KIAA1217: variants seen among roughly 807,000 people sequenced by gnomAD.
The protein encoded by KIAA1217 is sickle tail protein homolog.
A neutral mutation model predicts 163.9 loss-of-function variants in KIAA1217; 88 were observed. That is an observed-to-expected ratio of 0.54 (90% CI 0.45 to 0.64). KIAA1217 has a LOEUF of 0.64. Ranked by LOEUF, KIAA1217 falls within the 30% of genes least tolerant of loss-of-function variation. The pLI is 0.00. For missense variants in KIAA1217, 2,372 were observed against 2,475.0 expected (o/e 0.96, Z 0.88); for synonymous variants, 903 against 923.1 (o/e 0.98, Z 0.39).
intron 3 of KIAA1217, among the ~76,000 whole-genome samples, chr10:24,395,600 AT>A (rs1323621549): frequency 1.1e-4 from 17 of 152,292 alleles, no homozygotes; most frequent in African/African-American, 4.1e-4. Context: ...TGATTCAGTA[AT>A]TGGCCTTTCT....
At chr10:23,790,519 A>ATG in intron 1 of KIAA1217, among the ~76,000 whole-genome samples, 9 of 114,122 alleles carry the variant, frequency 7.9e-5, no homozygotes, top group African/African-American at 3.2e-4. Flanking sequence ...ACATATGTAT[A>ATG]TATACATATA....
chr10:24,144,834 C>G (rs1358107472), intron 2 of KIAA1217, among the ~76,000 whole-genome samples: 1 of 152,172 alleles, frequency 6.6e-6, no homozygotes, highest in African/African-American at 2.4e-5. Flanking sequence ...CCAAGTTACT[C>G]AGTATCTCTG....
chr10:23,848,072 T>C (rs1839128718), intron 1 of KIAA1217, among the ~76,000 whole-genome samples: 1 of 152,070 alleles, frequency 6.6e-6, no homozygotes, highest in Non-Finnish European at 1.5e-5. Context: ...TTGCACTTGA[T>C]CTGAGAGACT....
At chr10:24,019,696 A>G (rs1847652572) in intron 2 of KIAA1217, among the ~76,000 whole-genome samples, 1 of 152,062 alleles carries the variant, frequency 6.6e-6, no homozygotes, top group Non-Finnish European at 1.5e-5. Flanking sequence ...AGAAGATTTT[A>G]TTTCTACAAT....
chr10:23,699,230 G>C (rs549109894), intron 1 of KIAA1217, among the ~76,000 whole-genome samples: 1 of 152,334 alleles, frequency 6.6e-6, no homozygotes, highest in East Asian at 1.9e-4. Flanking sequence ...CCTGGTCCTA[G>C]GCAGAGCTGT....
At chr10:24,029,992 T>C (rs1044999030) in intron 2 of KIAA1217, among the ~76,000 whole-genome samples, 1 of 152,094 alleles carries the variant, frequency 6.6e-6, no homozygotes, top group Non-Finnish European at 1.5e-5. Context: ...TAAACCTACC[T>C]TGTGAAAACA....
At chr10:24,500,397 CGT>C (rs10667719) in intron 8 of KIAA1217, among the ~76,000 whole-genome samples, 2,227 of 125,686 alleles carry the variant, frequency 0.018, 33 homozygotes, top group African/African-American at 0.04. Flanking sequence ...AGAGTGTGTG[CGT>C]GTGTGTGTGT....
intron 1 of KIAA1217, among the ~76,000 whole-genome samples, chr10:23,790,400 C>CATATACATATGTATATATACATATGT (rs1241431593): frequency 5.1e-5 from 5 of 98,442 alleles, no homozygotes; most frequent in African/African-American, 2.0e-4. Flanking sequence ...TGTATATATA[C>CATATACATATGTATATATACATATGT]ATATATACAT....
At chr10:24,240,499 G>T (rs1048473424) in intron 2 of KIAA1217, among the ~76,000 whole-genome samples, 4 of 152,220 alleles carry the variant, frequency 2.6e-5, no homozygotes, top group African/African-American at 7.2e-5. Flanking sequence ...ATATTAAATT[G>T]TTACCACAGT....
chr10:24,510,209 C>T (rs577155288), intron 9 of KIAA1217, among the ~76,000 whole-genome samples: 1 of 152,288 alleles, frequency 6.6e-6, no homozygotes, highest in African/African-American at 2.4e-5. Context: ...TCTCTAATTG[C>T]CGAGCACACC....
intron 2 of KIAA1217, among the ~76,000 whole-genome samples, chr10:24,264,670 CAG>C (rs1317113708): frequency 6.6e-6 from 1 of 151,912 alleles, no homozygotes; most frequent in Non-Finnish European, 1.5e-5. Flanking sequence ...TGTAAAGAAA[CAG>C]GGAAATGAAT....
intron 2 of KIAA1217, among the ~76,000 whole-genome samples, chr10:24,310,076 C>T (rs984989940): frequency 1.2e-4 from 18 of 152,194 alleles, no homozygotes; most frequent in African/African-American, 3.9e-4. Context: ...CGTTATTTCT[C>T]TGCTTTTTTT....
At position 24,529,636 on chromosome 10, in the gene KIAA1217, C is replaced by G. The variant is rs1368749193; in HGVS notation, c.3082+1517C>G. Among the ~76,000 whole-genome samples, 7 of 152,070 alleles carry G rather than the reference C, an allele frequency of 4.6e-5. No homozygotes were observed. The East Asian group carries it at 1.4e-3, about 29-fold the overall frequency. Reference sequence around the variant, plus strand: ...AGTTCCACTCACTGCATCCCTCCCCCTCAGTCTGTGCTAAGAGGCTTTTCT... The same window carrying G: ...AGTTCCACTCACTGCATCCCTCCCCGTCAGTCTGTGCTAAGAGGCTTTTCT... On this transcript the variant is annotated intron_variant, in intron 14 of 20. Transcript: ENST00000376454.
At chr10:23,920,876 T>A (rs1236345988) in intron 1 of KIAA1217, among the ~76,000 whole-genome samples, 1 of 151,420 alleles carries the variant, frequency 6.6e-6, no homozygotes, top group African/African-American at 2.4e-5. Context: ...TGAGGGAGGG[T>A]TTTTCACATG....
At chr10:24,465,535 C>T (rs2062848603) in intron 5 of KIAA1217, among the ~76,000 whole-genome samples, 1 of 152,216 alleles carries the variant, frequency 6.6e-6, no homozygotes, top group Admixed American at 6.5e-5. Context: ...GCCAGTGGGG[C>T]TTCCAGCCCA....
At chr10:24,450,204 A>G (rs1167018332) in intron 5 of KIAA1217, among the ~76,000 whole-genome samples, 2 of 152,224 alleles carry the variant, frequency 1.3e-5, no homozygotes, top group Non-Finnish European at 2.9e-5. Context: ...GGAAATTCAT[A>G]TGTGTCCTTT....
At chr10:24,074,343 ACT>A (rs2061293932) in intron 2 of KIAA1217, among the ~76,000 whole-genome samples, 2 of 151,992 alleles carry the variant, frequency 1.3e-5, no homozygotes, top group South Asian at 2.1e-4. Flanking sequence ...AGTGAGTAAG[ACT>A]CTGTCTCAAA....
intron 14 of KIAA1217, among the ~76,000 whole-genome samples, chr10:24,528,330 T>G (rs1406191144): frequency 1.3e-5 from 2 of 151,072 alleles, no homozygotes; most frequent in African/African-American, 4.9e-5. Context: ...TTGTTTTTTT[T>G]TTTGTTTTTG....
At chr10:23,967,422 A>G (rs1845108466) in intron 1 of KIAA1217, among the ~76,000 whole-genome samples, 2 of 152,226 alleles carry the variant, frequency 1.3e-5, no homozygotes, top group Non-Finnish European at 2.9e-5. Context: ...GAAAAGCATG[A>G]ATTTCTTCAG....
Sources: allele counts gnomAD v4.1 joint callset (sites outside exome capture counted in the v4.1 genomes callset), GRCh38; gene constraint gnomAD v4.1.1; transcripts MANE v1.5; gene names NCBI Gene and HGNC (gene_info 2026-07-23, HGNC 2026-07-21).